Variants in METAP1D observed in about 807,000 individuals in gnomAD.
The protein encoded by METAP1D is methionyl aminopeptidase type 1D, mitochondrial, also known as methionine aminopeptidase 1D, mitochondrial.
In METAP1D, 31 loss-of-function variants were observed where a neutral mutation model predicts 40.5. The observed-to-expected ratio is 0.77, with a 90% CI of 0.58 to 1.03. The LOEUF (loss-of-function observed/expected upper bound fraction) is 1.03. Ranked by LOEUF, METAP1D falls within the 50% of genes least tolerant of loss-of-function variation. METAP1D has a pLI of 0.00. For synonymous variants in METAP1D, 151 were observed against 146.4 expected (o/e 1.03, Z -0.22); for missense variants, 411 against 420.7 (o/e 0.98, Z 0.20).
intron 1 of METAP1D, among the ~76,000 whole-genome samples, chr2:172,040,007 CAG>C (rs1360818425): frequency 7.1e-6 from 1 of 140,892 alleles, no homozygotes; most frequent in African/African-American, 2.7e-5. Flanking sequence ...TGTTTTGAGA[CAG>C]AGTCTCGCCC....
rs796722451 is a variant in METAP1D, at chr2:172,045,699, ATG to A, written c.41-15767_41-15766del. Among the ~76,000 whole-genome samples, 799 of 82,168 alleles carry A rather than the reference ATG, an allele frequency of 9.7e-3. 36 individuals carry two copies. Among genetic ancestry groups the A allele is most frequent in the East Asian group, 0.056 (77 of 1,382 alleles). 53.9% of individuals were successfully genotyped at this position (82,168 alleles called of 152,430 possible). A position where few individuals can be genotyped will look rare whatever the true frequency, so the allele number is the denominator to read the frequency against. ...AAAAAAAAAAGGATCATTCATATAT[ATG>A]TGTGTGTGTGTGTGTGTGTGTGTGT... On this transcript the variant is annotated intron_variant, in intron 1 of 9. Transcript: ENST00000315796.
At chr2:172,060,140 A>G (rs1396598042) in intron 1 of METAP1D, among the ~76,000 whole-genome samples, 3 of 152,114 alleles carry the variant, frequency 2.0e-5, no homozygotes, top group Non-Finnish European at 2.9e-5. Flanking sequence ...TCCTGGCTGG[A>G]TGCAGTAGCT....
chr2:172,061,239 CTA>C (rs1394786037), intron 1 of METAP1D, among the ~76,000 whole-genome samples: 2 of 152,130 alleles, frequency 1.3e-5, no homozygotes, highest in East Asian at 1.9e-4. Context: ...GCAGATGTTT[CTA>C]TATGTTTGTT....
intron 1 of METAP1D, among the ~76,000 whole-genome samples, chr2:172,038,681 G>A (rs1320957362): frequency 1.3e-5 from 2 of 152,102 alleles, no homozygotes; most frequent in Non-Finnish European, 2.9e-5. Context: ...CTTCAGACTT[G>A]TGCGGCAAAA....
intron 1 of METAP1D, among the ~76,000 whole-genome samples, chr2:172,061,063 A>G (rs959974351): frequency 6.6e-6 from 1 of 152,238 alleles, no homozygotes; most frequent in African/African-American, 2.4e-5. Flanking sequence ...TAGTAATCCT[A>G]TGGAGGGCAA....
At chr2:172,069,850 A>T (rs1008608678) in intron 5 of METAP1D, among the ~76,000 whole-genome samples, 2 of 152,194 alleles carry the variant, frequency 1.3e-5, no homozygotes, top group African/African-American at 4.8e-5. Context: ...AGATCTAATA[A>T]AGACCTTTCT....
chr2:172,018,291 C>A (rs1271604336), intron 1 of METAP1D, among the ~76,000 whole-genome samples: 2 of 152,062 alleles, frequency 1.3e-5, no homozygotes, highest in Non-Finnish European at 2.9e-5. Context: ...TAGATTAGGG[C>A]ATGACCCTAT....
At chr2:172,080,105 A>C in intron 8 of METAP1D, 23 bp from the exon 9 acceptor site, 8 of 1,592,362 alleles carry the variant, frequency 5.0e-6, no homozygotes, top group Non-Finnish European at 6.9e-6. Flanking sequence ...AGGTCACTGC[A>C]GTAAATATTT....
chr2:172,025,252 G>A (rs1291682982), intron 1 of METAP1D, among the ~76,000 whole-genome samples: 1 of 152,168 alleles, frequency 6.6e-6, no homozygotes, highest in African/African-American at 2.4e-5. Flanking sequence ...TGGACCACAG[G>A]ATATATGGTG....
At chr2:172,045,811 GTGTGTGTGTATATATATATATATATATA>G (rs1420164428) in intron 1 of METAP1D, among the ~76,000 whole-genome samples, 7 of 51,734 alleles carry the variant, frequency 1.4e-4, no homozygotes, top group Non-Finnish European at 2.2e-4. Flanking sequence ...GTGTGTGTGT[GTGTGTGTGTATATATATATATATATATA>G]TATATATATA....
chr2:172,038,042 C>G (rs1375607810), intron 1 of METAP1D, among the ~76,000 whole-genome samples: 1 of 152,118 alleles, frequency 6.6e-6, no homozygotes, highest in African/African-American at 2.4e-5. Flanking sequence ...TCTTCTGCCA[C>G]TTAGGGTTTG....
At chr2:172,015,114 T>G (rs1688825049) in intron 1 of METAP1D, among the ~76,000 whole-genome samples, 1 of 152,226 alleles carries the variant, frequency 6.6e-6, no homozygotes, top group Non-Finnish European at 1.5e-5. Context: ...ACCCTTTAAC[T>G]TATTTACTTA....
chr2:172,045,929 C>A (rs749096589), intron 1 of METAP1D, among the ~76,000 whole-genome samples: 3 of 128,176 alleles, frequency 2.3e-5, no homozygotes, highest in Non-Finnish European at 4.8e-5. Flanking sequence ...TATTTTTATA[C>A]ATACGATAAG....
intron 1 of METAP1D, among the ~76,000 whole-genome samples, chr2:172,043,254 TC>T (rs1300143037): frequency 7.6e-6 from 1 of 132,194 alleles, no homozygotes; most frequent in East Asian, 2.0e-4. Flanking sequence ...AAATATCAGA[TC>T]CTTACAAAAA....
chr2:172,077,750 G>T, intron 6 of METAP1D, 47 bp from the exon 7 acceptor site: 1 of 990,956 alleles, frequency 1.0e-6, no homozygotes, highest in South Asian at 1.7e-5. Flanking sequence ...TAGTATGCCT[G>T]AAAAACTTAT....
chr2:172,058,001 T>C (rs1441923550), intron 1 of METAP1D, among the ~76,000 whole-genome samples: 1 of 151,498 alleles, frequency 6.6e-6, no homozygotes, highest in East Asian at 2.0e-4. Flanking sequence ...GGTGTGATCA[T>C]AGCTCAGTGC....
Position 172,033,446 on chromosome 2 carries a change from C to T in METAP1D, c.41-28052C>T, listed in dbSNP as rs939054797. On this transcript the variant is annotated intron_variant, in intron 1 of 9. Transcript: ENST00000315796. ...TTGGCTCACTGCAACCTCCGCCTCCCGAGTTCAAGCAATTCTCCTGCCTCA... is the reference window on the plus strand; with the variant it reads ...TTGGCTCACTGCAACCTCCGCCTCCTGAGTTCAAGCAATTCTCCTGCCTCA... Among the ~76,000 whole-genome samples, 106 of 151,702 alleles carry T rather than the reference C, an allele frequency of 7.0e-4. 1 individual carries two copies. Among genetic ancestry groups the T allele is most frequent in the African/African-American group, 2.4e-3 (100 of 41,290 alleles).
chr2:172,079,611 G>A (rs550425920), intron 8 of METAP1D, among the ~76,000 whole-genome samples: 39 of 152,226 alleles, frequency 2.6e-4, no homozygotes, highest in East Asian at 9.6e-4. Flanking sequence ...CTGGTGGCCC[G>A]TTCCTGGCTG....
intron 2 of METAP1D, among the ~76,000 whole-genome samples, chr2:172,062,750 G>A (rs1254563701): frequency 6.6e-6 from 1 of 152,134 alleles, no homozygotes; most frequent in Non-Finnish European, 1.5e-5. Context: ...TCTGAACAGG[G>A]GAGCAAGTGA....
Sources: gnomAD v4.1 joint callset for allele counts (sites outside exome capture counted in the v4.1 genomes callset) on GRCh38, gnomAD v4.1.1 for gene constraint, MANE v1.5 for transcripts, NCBI Gene and HGNC (gene_info 2026-07-23, HGNC 2026-07-21) for gene names.